Variants in NAALADL2 observed in about 807,000 individuals in gnomAD.
NAALADL2 encodes N-acetylated alpha-linked acidic dipeptidase like 2.
In NAALADL2, 76 loss-of-function variants were observed where a neutral mutation model predicts 87.2. The ratio of observed to expected loss-of-function variants is 0.87; its 90% CI spans 0.72 to 1.05. NAALADL2 has a LOEUF of 1.05. Among genes scored for constraint, NAALADL2 ranks in the 50% least tolerant of loss-of-function variants. The pLI, the probability that NAALADL2 is intolerant of heterozygous loss-of-function variation, is 0.00. For missense variants in NAALADL2, 1,089 were observed against 945.8 expected, an observed-to-expected ratio of 1.15 and a Z score of -1.99; for synonymous variants, 354 against 331.0, an observed-to-expected ratio of 1.07 and a Z score of -0.75.
chr3:174,798,679 TGTTAA>T (rs974236125), intron 3 of NAALADL2, among the ~76,000 whole-genome samples: 22 of 152,216 alleles, frequency 1.4e-4, no homozygotes, highest in African/African-American at 5.1e-4. Context: ...TTTGATGCTA[TGTTAA>T]ATGAATTTTT....
intron 13 of NAALADL2, among the ~76,000 whole-genome samples, chr3:175,759,352 CTTTT>C (rs768277021): frequency 1.4e-5 from 2 of 139,914 alleles, no homozygotes; most frequent in African/African-American, 5.2e-5. Context: ...TCAAGAAAGA[CTTTT>C]TTTTTTTTTT....
At chr3:175,423,774 T>A (rs1432687774) in intron 5 of NAALADL2, among the ~76,000 whole-genome samples, 1 of 152,206 alleles carries the variant, frequency 6.6e-6, no homozygotes, top group Non-Finnish European at 1.5e-5. Context: ...CCTTTGGGTA[T>A]ACACCCAGTA....
intron 1 of NAALADL2, among the ~76,000 whole-genome samples, chr3:175,050,558 A>G (rs1362825725): frequency 6.6e-6 from 1 of 152,176 alleles, no homozygotes; most frequent in East Asian, 1.9e-4. Context: ...TTCTGACCAG[A>G]AATATACTGT....
At position 175,136,100 on chromosome 3, in the gene NAALADL2, G is replaced by T. The variant is rs1028586979; in HGVS notation, c.545+38809G>T. On this transcript the variant is annotated intron_variant, in intron 2 of 13. Coordinates refer to ENST00000454872, the MANE Select transcript of NAALADL2 (RefSeq NM_207015.3). ...AACCTACTCCTTAGGGTGTAGAGAG[G>T]GAAGATAAGGTGAGATAGTAAGGCA... Among the ~76,000 whole-genome samples, 7 of 152,212 alleles carry T rather than the reference G, an allele frequency of 4.6e-5. No homozygotes were observed. The East Asian group carries it at 1.2e-3, about 25-fold the overall frequency.
chr3:174,902,089 A>G (rs1732385347), intron 1 of NAALADL2, among the ~76,000 whole-genome samples: 2 of 152,272 alleles, frequency 1.3e-5, no homozygotes, highest in Admixed American at 6.5e-5. Context: ...GATGCAGGGC[A>G]TGATCTACCG....
intron 8 of NAALADL2, among the ~76,000 whole-genome samples, chr3:175,467,561 AAC>A (rs1724269701): frequency 6.6e-6 from 1 of 152,320 alleles, no homozygotes; most frequent in African/African-American, 2.4e-5. Context: ...GGAATTAGGG[AAC>A]AGTCTCCTAT....
intron 10 of NAALADL2, among the ~76,000 whole-genome samples, chr3:175,609,898 C>T (rs1724373936): frequency 6.6e-6 from 1 of 152,090 alleles, no homozygotes; most frequent in Admixed American, 6.6e-5. Flanking sequence ...AAGCACCAGT[C>T]TCTCAAAGTC....
At chr3:175,750,525 G>A (rs1423233671) in intron 12 of NAALADL2, among the ~76,000 whole-genome samples, 10 of 152,078 alleles carry the variant, frequency 6.6e-5, no homozygotes, top group Admixed American at 6.6e-4. Context: ...GATTTGGATT[G>A]GAGGGAGATT....
chr3:175,620,900 G>C (rs1441490365), intron 10 of NAALADL2, among the ~76,000 whole-genome samples: 1 of 152,168 alleles, frequency 6.6e-6, no homozygotes, highest in African/African-American at 2.4e-5. Context: ...TGCAAAAGGC[G>C]ACCTGAAGTG....
In NAALADL2 at chr3:175,703,606, G is replaced by A. The variant is rs893803525; in HGVS notation, c.1897-33700G>A. Reference sequence around the variant, plus strand: ...AAAAACACAAAAATTAGTCAGGAGCGGTGGCAGGCACCTGTAATCCCAGCT... The same window carrying A: ...AAAAACACAAAAATTAGTCAGGAGCAGTGGCAGGCACCTGTAATCCCAGCT... On this transcript the variant is annotated intron_variant, in intron 11 of 13. Coordinates refer to ENST00000454872, the MANE Select transcript of NAALADL2 (RefSeq NM_207015.3). 3.3e-5 allele frequency among the ~76,000 whole-genome samples: 5 copies of A among 152,138 alleles called. No homozygotes were observed. In the East Asian group the frequency reaches 5.8e-4, roughly 18 times the overall value.
In NAALADL2 at chr3:175,423,216, T is replaced by C. The variant is rs538456004; in HGVS notation, c.1091-24013T>C. ...GCACAAAGAAGAATTTATTTTTCTT[T>C]TTTTTTTCTTTTTTTTTTTTCGGGC... On this transcript the variant is annotated intron_variant, in intron 5 of 13. Transcript: ENST00000454872. Among the ~76,000 whole-genome samples, 8 of 143,774 alleles carry C rather than the reference T, an allele frequency of 5.6e-5. No homozygotes were observed. The South Asian group carries it at 1.8e-3, about 32-fold the overall frequency. 94.3% of individuals were successfully genotyped at this position (143,774 alleles called of 152,430 possible). A position where few individuals can be genotyped will look rare whatever the true frequency, so the allele number is the denominator to read the frequency against.
intron 3 of NAALADL2, among the ~76,000 whole-genome samples, chr3:174,841,462 G>A (rs1724011387): frequency 1.3e-5 from 2 of 152,190 alleles, no homozygotes; most frequent in Non-Finnish European, 2.9e-5. Flanking sequence ...GTTAGTATTT[G>A]CCAACTTCCT....
Position 175,219,752 on chromosome 3 carries a change from TGG to T in NAALADL2, c.546-14176_546-14175del, listed in dbSNP as rs35037506. 9.5e-3 allele frequency among the ~76,000 whole-genome samples: 1,450 copies of T among 152,104 alleles called. 41 individuals carry two copies. The highest frequency in any genetic ancestry group is 0.078 in the East Asian group (405 of 5,170). ...TTGGCATCATAGTGCAAGTCAAATC[TGG>T]GGAACAATTGACATCTTTACAACCT... On this transcript the variant is annotated intron_variant, in intron 2 of 13. Coordinates refer to ENST00000454872, the MANE Select transcript of NAALADL2 (RefSeq NM_207015.3).
chr3:174,451,857 T>G (rs202052892), intron 1 of NAALADL2, among the ~76,000 whole-genome samples: 34,051 of 136,818 alleles, frequency 0.25, 4,302 homozygotes, highest in South Asian at 0.45. Flanking sequence ...TTTTTTTTTT[T>G]TTTTTTTTTT....
chr3:174,940,818 G>A (rs1288390765), intron 1 of NAALADL2, among the ~76,000 whole-genome samples: 1 of 151,936 alleles, frequency 6.6e-6, no homozygotes, highest in African/African-American at 2.4e-5. Flanking sequence ...GTTTGTAGTA[G>A]TTTCTGATGG....
At chr3:174,896,420 C>T (rs1262937995) in intron 1 of NAALADL2, among the ~76,000 whole-genome samples, 1 of 151,918 alleles carries the variant, frequency 6.6e-6, no homozygotes, top group Non-Finnish European at 1.5e-5. Context: ...ATACCATTTA[C>T]AATAGCCACA....
At chr3:174,513,570 G>C (rs889693492) in intron 1 of NAALADL2, 19 of 152,128 alleles carry the variant, frequency 1.2e-4, no homozygotes. Context: ...GCAGAGGTAA[G>C]GTAAAAGAGG....
intron 9 of NAALADL2, among the ~76,000 whole-genome samples, chr3:175,551,715 C>T (rs1398501195): frequency 2.0e-5 from 3 of 152,032 alleles, no homozygotes; most frequent in South Asian, 2.1e-4. Flanking sequence ...CTGGCTAACA[C>T]GGTGAACCCC....
chr3:175,376,260 G>T (rs1581642509), intron 5 of NAALADL2, among the ~76,000 whole-genome samples: 1 of 151,866 alleles, frequency 6.6e-6, no homozygotes, highest in African/African-American at 2.4e-5. Context: ...TCACCCTAAA[G>T]AACTTATTTT....
Sources: gnomAD v4.1 joint callset for allele counts (sites outside exome capture counted in the v4.1 genomes callset) on GRCh38, gnomAD v4.1.1 for gene constraint, MANE v1.5 for transcripts, NCBI Gene and HGNC (gene_info 2026-07-23, HGNC 2026-07-21) for gene names.